BRINP3: variants seen among roughly 807,000 people sequenced by gnomAD.
The protein encoded by BRINP3 is BMP/retinoic acid inducible neural specific 3.
In BRINP3, 19 loss-of-function variants were observed where a neutral mutation model predicts 71.0. The ratio of observed to expected loss-of-function variants is 0.27; its 90% CI spans 0.19 to 0.39. The LOEUF (loss-of-function observed/expected upper bound fraction) is 0.39, where lower values mean the gene tolerates loss of function less well. Among genes scored for constraint, BRINP3 ranks in the 10% least tolerant of loss-of-function variants. The pLI is 1.00. For missense variants in BRINP3, 959 were observed against 940.8 expected, an observed-to-expected ratio of 1.02 and a Z score of -0.25; for synonymous variants, 380 against 337.7, an observed-to-expected ratio of 1.13 and a Z score of -1.37.
intron 6 of BRINP3, among the ~76,000 whole-genome samples, chr1:190,196,256 G>C (rs1170042822): frequency 6.6e-6 from 1 of 152,042 alleles, no homozygotes; most frequent in Non-Finnish European, 1.5e-5. Context: ...ATAGCACCCT[G>C]CCTTCTGCAT....
intron 2 of BRINP3, among the ~76,000 whole-genome samples, chr1:190,286,398 A>G (rs2102951370): frequency 6.6e-6 from 1 of 152,268 alleles, no homozygotes; most frequent in African/African-American, 2.4e-5. Flanking sequence ...CAAATACACA[A>G]ATGTACTCAG....
chr1:190,235,131 G>T (rs1035319104), intron 4 of BRINP3, among the ~76,000 whole-genome samples: 6 of 151,990 alleles, frequency 3.9e-5, no homozygotes, highest in African/African-American at 1.4e-4. Context: ...TCAAAATTAA[G>T]CTCATGTTCA....
At chr1:190,466,349 A>G (rs960018483) in intron 1 of BRINP3, among the ~76,000 whole-genome samples, 3 of 151,750 alleles carry the variant, frequency 2.0e-5, no homozygotes, top group African/African-American at 7.2e-5. Context: ...GGAGTTAACC[A>G]GGCATACAAG....
intron 2 of BRINP3, among the ~76,000 whole-genome samples, chr1:190,415,813 G>A (rs1672972521): frequency 6.6e-6 from 1 of 152,118 alleles, no homozygotes; most frequent in Admixed American, 6.5e-5. Context: ...TGAGGTGGGA[G>A]GATCACTTGA....
chr1:190,250,475 C>T (rs887967512), intron 4 of BRINP3, among the ~76,000 whole-genome samples: 2 of 151,922 alleles, frequency 1.3e-5, no homozygotes, highest in Admixed American at 6.6e-5. Context: ...ACTTTTGGGT[C>T]TCTACTCACT....
At chr1:190,398,696 A>G (rs975044263) in intron 2 of BRINP3, among the ~76,000 whole-genome samples, 37 of 152,068 alleles carry the variant, frequency 2.4e-4, no homozygotes, top group African/African-American at 8.9e-4. Flanking sequence ...TATGCTAAGC[A>G]TAGTGTTTTA....
intron 4 of BRINP3, among the ~76,000 whole-genome samples, chr1:190,245,029 T>C (rs1332457362): frequency 1.3e-5 from 2 of 152,068 alleles, no homozygotes; most frequent in Non-Finnish European, 2.9e-5. Context: ...GCTTCTGTCC[T>C]AAATAATAGG....
At chr1:190,250,122 G>T (rs1356549311) in intron 4 of BRINP3, among the ~76,000 whole-genome samples, 1 of 151,680 alleles carries the variant, frequency 6.6e-6, no homozygotes, top group Non-Finnish European at 1.5e-5. Context: ...CCACCTAGAG[G>T]GAAAAGCAGA....
intron 2 of BRINP3, among the ~76,000 whole-genome samples, chr1:190,432,135 T>C (rs1395166766): frequency 6.6e-6 from 1 of 152,184 alleles, no homozygotes; most frequent in African/African-American, 2.4e-5. Context: ...TGATAATTTT[T>C]ATAAAACATA....
At chr1:190,115,000 C>T (rs1198890171) in intron 7 of BRINP3, among the ~76,000 whole-genome samples, 1 of 152,176 alleles carries the variant, frequency 6.6e-6, no homozygotes, top group Admixed American at 6.5e-5. Context: ...CCCTCTCGAT[C>T]ATCCTTCCCT....
intron 6 of BRINP3, among the ~76,000 whole-genome samples, chr1:190,169,738 TTGA>T (rs1651851494): frequency 6.6e-6 from 1 of 152,204 alleles, no homozygotes; most frequent in Admixed American, 6.6e-5. Context: ...GAATTCTGTG[TTGA>T]TGAAATTATA....
At chr1:190,464,134 A>G (rs1676579378) in intron 1 of BRINP3, among the ~76,000 whole-genome samples, 1 of 143,406 alleles carries the variant, frequency 7.0e-6, no homozygotes. Flanking sequence ...TCTTTCAAAA[A>G]GTGTTTTTTT....
chr1:190,246,112 C>A (rs1263382197), intron 4 of BRINP3, among the ~76,000 whole-genome samples: 1 of 151,780 alleles, frequency 6.6e-6, no homozygotes, highest in Non-Finnish European at 1.5e-5. Flanking sequence ...TGGGTATATA[C>A]CCAGTAATGG....
chr1:190,305,361 T>C (rs759595773), intron 2 of BRINP3, among the ~76,000 whole-genome samples: 3 of 151,780 alleles, frequency 2.0e-5, no homozygotes, highest in African/African-American at 7.3e-5. Flanking sequence ...CAAATGTCCA[T>C]TAATTGATGA....
intron 6 of BRINP3, among the ~76,000 whole-genome samples, chr1:190,166,678 G>A (rs1366233694): frequency 6.6e-6 from 1 of 152,048 alleles, no homozygotes; most frequent in African/African-American, 2.4e-5. Flanking sequence ...GTTCCATATG[G>A]TGTTGTTCAT....
chr1:190,394,240 C>A (rs938763498), intron 2 of BRINP3, among the ~76,000 whole-genome samples: 1 of 151,490 alleles, frequency 6.6e-6, no homozygotes, highest in African/African-American at 2.4e-5. Context: ...ACTTCTCTCT[C>A]TTTTCACTTA....
intron 4 of BRINP3, among the ~76,000 whole-genome samples, chr1:190,259,615 A>AAAATAAAT (rs144685496): frequency 2.0e-4 from 28 of 140,160 alleles, no homozygotes; most frequent in African/African-American, 4.1e-4. Context: ...AATTAGGCAA[A>AAAATAAAT]AAATAAATAA....
chr1:190,155,140 G>A (rs1295121227), intron 7 of BRINP3, among the ~76,000 whole-genome samples: 1 of 151,942 alleles, frequency 6.6e-6, no homozygotes, highest in Non-Finnish European at 1.5e-5. Flanking sequence ...TCATATATAA[G>A]TTGAAAGAGC....
intron 6 of BRINP3, among the ~76,000 whole-genome samples, chr1:190,208,120 T>A (rs1040063224): frequency 3.3e-5 from 5 of 151,898 alleles, no homozygotes; most frequent in Admixed American, 2.0e-4. Context: ...GTTAATTTTT[T>A]TTTTTATTTT....
Sources: gnomAD v4.1 joint callset for allele counts (sites outside exome capture counted in the v4.1 genomes callset) on GRCh38, gnomAD v4.1.1 for gene constraint, MANE v1.5 for transcripts, NCBI Gene and HGNC (gene_info 2026-07-23, HGNC 2026-07-21) for gene names.